The following NCOA3 variants were observed in gnomAD, a reference collection of about 807,000 sequenced individuals.
The protein encoded by NCOA3 is nuclear receptor coactivator 3, also known as CBP-interacting protein.
In NCOA3, 51 loss-of-function variants were observed where a neutral mutation model predicts 158.8. The observed-to-expected ratio is 0.32, with a 90% CI of 0.26 to 0.41. The LOEUF is 0.41. Among genes scored for constraint, NCOA3 ranks in the 10% least tolerant of loss-of-function variants. The pLI is 1.00. For missense variants in NCOA3, 1,510 were observed against 1,746.6 expected (o/e 0.86, Z 2.41); for synonymous variants, 537 against 592.4 (o/e 0.91, Z 1.36).
rs535960487 is a variant in NCOA3, at chr20:47,647,517, G to A, written c.3546+151G>A. 61 of 739,634 alleles carry A rather than the reference G, an allele frequency of 8.2e-5. 1 individual carries two copies. The African/African-American group carries it at 1.0e-3, about 12-fold the overall frequency. 45.8% of individuals were successfully genotyped at this position (739,634 alleles called of 1,614,324 possible). A position where few individuals can be genotyped will look rare whatever the true frequency, so the allele number is the denominator to read the frequency against. Reference sequence around the variant, plus strand: ...TGTGTAAGGTTTTATTTGTACAAATGGCTCCTTGTTAAGGAGTAGTTTTAT... The same window carrying A: ...TGTGTAAGGTTTTATTTGTACAAATAGCTCCTTGTTAAGGAGTAGTTTTAT... On this transcript the variant is annotated intron_variant, in intron 18 of 22. Coordinates refer to ENST00000371998, the MANE Select transcript of NCOA3 (RefSeq NM_181659.3).
chr20:47,566,714 T>A (rs1484863251), intron 1 of NCOA3, among the ~76,000 whole-genome samples: 1 of 152,124 alleles, frequency 6.6e-6, no homozygotes, highest in Admixed American at 6.6e-5. Context: ...TTTTGCCGTG[T>A]GCCCAGGCTG....
In NCOA3 at chr20:47,586,077, G is replaced by A. The variant is rs72645207; in HGVS notation, c.-20+2816G>A. Among the ~76,000 whole-genome samples, 11 of 151,898 alleles carry A rather than the reference G, an allele frequency of 7.2e-5. No individual in the cohort carries two copies. The East Asian group carries it at 1.9e-3, about 27-fold the overall frequency. ...TGGGATTACAGGCACGCGCCACCCT[G>A]CCCGGCTAATTTTGTATTTTTAGTA... On this transcript the variant is annotated intron_variant, in intron 2 of 22. Coordinates refer to ENST00000371998, the MANE Select transcript of NCOA3 (RefSeq NM_181659.3).
At chr20:47,563,908 A>G (rs1205297888) in intron 1 of NCOA3, among the ~76,000 whole-genome samples, 2 of 146,916 alleles carry the variant, frequency 1.4e-5, no homozygotes, top group East Asian at 2.0e-4. Context: ...AAAAAAAGAA[A>G]GAAAAAAGAA....
At chr20:47,520,500 C>T (rs189387548) in intron 1 of NCOA3, among the ~76,000 whole-genome samples, 312 of 152,284 alleles carry the variant, frequency 2.0e-3, no homozygotes, top group Admixed American at 4.3e-3. Flanking sequence ...TCCTTACTAC[C>T]GGAGGTTTGT....
At chr20:47,642,913 C>A (rs2086633210) in intron 17 of NCOA3, among the ~76,000 whole-genome samples, 1 of 152,162 alleles carries the variant, frequency 6.6e-6, no homozygotes, top group South Asian at 2.1e-4. Flanking sequence ...TCTGTAGTGA[C>A]TGTTTTTTCT....
intron 1 of NCOA3, among the ~76,000 whole-genome samples, chr20:47,526,339 C>T (rs553836347): frequency 2.0e-5 from 3 of 152,170 alleles, no homozygotes; most frequent in Admixed American, 2.0e-4. Context: ...CGGAGATGCT[C>T]CTCACTTCCC....
At chr20:47,619,690 C>T (rs1047742737) in intron 2 of NCOA3, among the ~76,000 whole-genome samples, 4 of 151,240 alleles carry the variant, frequency 2.6e-5, no homozygotes, top group Non-Finnish European at 1.5e-5. Flanking sequence ...GATAGTTTGC[C>T]ATTCAATTTA....
intron 2 of NCOA3, among the ~76,000 whole-genome samples, chr20:47,603,545 A>G (rs1241653369): frequency 6.6e-6 from 1 of 152,234 alleles, no homozygotes; most frequent in African/African-American, 2.4e-5. Context: ...CCTTCTTGGT[A>G]TTCAGGTCCT....
Position 47,532,974 on chromosome 20 carries a change from C to T in NCOA3, c.-99+30955C>T, listed in dbSNP as rs565179453. On this transcript the variant is annotated intron_variant, in intron 1 of 22. Transcript: ENST00000371998. ...CAAAAAAATTAGCCACACGTGGTGG[C>T]GGGCGCCTGTAATCCCAGCTACTCG... Among the ~76,000 whole-genome samples the T allele has an allele frequency of 1.8e-4, 27 of 151,694 alleles. No homozygotes were observed. The East Asian group carries it at 4.6e-3, about 26-fold the overall frequency.
intron 1 of NCOA3, among the ~76,000 whole-genome samples, chr20:47,512,986 G>T (rs777117437): frequency 5.3e-5 from 8 of 151,936 alleles, no homozygotes; most frequent in Non-Finnish European, 8.8e-5. Flanking sequence ...GCAAAACCTG[G>T]TCTCTACTAA....
At chr20:47,508,922 A>G (rs982259572) in intron 1 of NCOA3, among the ~76,000 whole-genome samples, 1 of 152,222 alleles carries the variant, frequency 6.6e-6, no homozygotes, top group African/African-American at 2.4e-5. Context: ...AAATTTTAAA[A>G]CAAAGGGTGC....
At chr20:47,541,369 C>T (rs545069786) in intron 1 of NCOA3, among the ~76,000 whole-genome samples, 2 of 88 alleles carry the variant, frequency 0.023, 1 homozygote, top group Non-Finnish European at 0.042. Flanking sequence ...CCCTCCCCTC[C>T]CCTCCCCTCC....
At chr20:47,532,097 T>C (rs1353490940) in intron 1 of NCOA3, among the ~76,000 whole-genome samples, 1 of 138,636 alleles carries the variant, frequency 7.2e-6, no homozygotes, top group Non-Finnish European at 1.6e-5. Flanking sequence ...AATAAAACTT[T>C]GTAGGGGGGG....
intron 1 of NCOA3, among the ~76,000 whole-genome samples, chr20:47,542,246 C>T (rs2084756338): frequency 6.7e-6 from 1 of 150,040 alleles, no homozygotes; most frequent in African/African-American, 2.5e-5. Context: ...TGCTATGTTA[C>T]TCAGGCTGGT....
At chr20:47,629,549 T>C (rs1194516751) in intron 8 of NCOA3, among the ~76,000 whole-genome samples, 1 of 152,214 alleles carries the variant, frequency 6.6e-6, no homozygotes, top group East Asian at 1.9e-4. Context: ...CAGGCTGGTC[T>C]CAAAGTCCTG....
chr20:47,622,152 TTCAG>T, intron 2 of NCOA3, 73 bp from the exon 3 acceptor site: 1 of 698,248 alleles, frequency 1.4e-6, no homozygotes, highest in Middle Eastern at 2.5e-4. Context: ...GTTGCAGTCA[TTCAG>T]TCATATAACA....
Position 47,637,918 on chromosome 20 carries a change from A to G in NCOA3, c.2512+135A>G, listed in dbSNP as rs555094486. The G allele has an allele frequency of 1.8e-5, 14 of 756,790 alleles. No homozygotes were observed. In the East Asian group the frequency reaches 3.3e-4, roughly 18 times the overall value. The allele number at this position is 756,790 out of a possible 1,614,324, so 46.9% of individuals were successfully genotyped here. ...AACATATATTCTGCCTCTGTTTTCTATACTAATTTATATGTGCTTTAGAAA... is the reference window on the plus strand; with the variant it reads ...AACATATATTCTGCCTCTGTTTTCTGTACTAATTTATATGTGCTTTAGAAA... On this transcript the variant is annotated intron_variant, in intron 13 of 22. Transcript: ENST00000371998.
intron 1 of NCOA3, among the ~76,000 whole-genome samples, chr20:47,550,469 G>T (rs1226615764): frequency 2.7e-5 from 4 of 150,328 alleles, no homozygotes; most frequent in African/African-American, 9.7e-5. Flanking sequence ...AAAAAAGGTG[G>T]GGGGGTTTGA....
At position 47,636,197 on chromosome 20, in the gene NCOA3, A is replaced by C; in HGVS notation, c.1811A>C (p.Glu604Ala). 8 of 1,614,204 alleles carry C rather than the reference A, an allele frequency of 5.0e-6. No individual in the cohort carries two copies. The highest frequency in any genetic ancestry group is 5.1e-6 in the Non-Finnish European group (6 of 1,180,024). The stretch of plus-strand genomic sequence containing the variant: ...AAAGAAAGTAAGGAGAGCAGTGTTG[A>C]GGGGGCAGAGAATCAAAGGGGTCCT... ...SDKESKESSV[E>A]GAENQRGPLE... Residue 604 changes from glutamate (E) to alanine (A), a missense_variant, in exon 12 of 23, where the codon GAG (glutamate) becomes GCG (alanine). Around this residue, in one of 4 missense-constraint regions of NCOA3, gnomAD observed 1,017 missense variants for 1,098.3 expected, o/e 0.93. Coordinates refer to ENST00000371998, the MANE Select transcript of NCOA3 (RefSeq NM_181659.3).
Sources: allele counts gnomAD v4.1 joint callset (sites outside exome capture counted in the v4.1 genomes callset), GRCh38; gene constraint gnomAD v4.1.1; regional missense constraint gnomAD v4.1.1; transcripts MANE v1.5; gene names NCBI Gene and HGNC (gene_info 2026-07-23, HGNC 2026-07-21).